AGBL4: variants seen among roughly 807,000 people sequenced by gnomAD.
AGBL4 encodes the protein AGBL carboxypeptidase 4.
AGBL4 carries 58 observed loss-of-function variants against 66.4 expected under a neutral mutation model. That is an observed-to-expected ratio of 0.87 (90% CI 0.71 to 1.09). The LOEUF is 1.09. Among genes scored for constraint, AGBL4 ranks in the 50% least tolerant of loss-of-function variants. The pLI is 0.00. For missense variants in AGBL4, 579 were observed against 631.0 expected (o/e 0.92, Z 0.88); for synonymous variants, 234 against 222.9 (o/e 1.05, Z -0.44).
At chr1:49,001,412 G>A (rs1171348768) in intron 5 of AGBL4, among the ~76,000 whole-genome samples, 1 of 152,140 alleles carries the variant, frequency 6.6e-6, no homozygotes, top group Non-Finnish European at 1.5e-5. Context: ...GGGAACATTC[G>A]AATGCAAGTT....
intron 3 of AGBL4, among the ~76,000 whole-genome samples, chr1:49,366,398 A>C (rs933737395): frequency 6.6e-6 from 1 of 152,186 alleles, no homozygotes; most frequent in Non-Finnish European, 1.5e-5. Flanking sequence ...GATGTCTATA[A>C]GAAGGAGAAA....
At chr1:48,692,968 T>A in intron 6 of AGBL4, among the ~76,000 whole-genome samples, 1 of 152,210 alleles carries the variant, frequency 6.6e-6, no homozygotes, top group Middle Eastern at 3.2e-3. Context: ...AATAACCCTA[T>A]CCAGGAAGAG....
chr1:49,602,120 A>T (rs1644971814), intron 3 of AGBL4, among the ~76,000 whole-genome samples: 1 of 152,218 alleles, frequency 6.6e-6, no homozygotes, highest in South Asian at 2.1e-4. Flanking sequence ...TCATTAGAGA[A>T]ATGCAATTGA....
At chr1:49,814,261 T>C (rs1447627370) in intron 2 of AGBL4, among the ~76,000 whole-genome samples, 2 of 152,148 alleles carry the variant, frequency 1.3e-5, no homozygotes, top group African/African-American at 2.4e-5. Flanking sequence ...TAAGTATCTA[T>C]GTATCATGTA....
At chr1:48,818,518 A>G (rs1337473985) in intron 6 of AGBL4, among the ~76,000 whole-genome samples, 1 of 152,208 alleles carries the variant, frequency 6.6e-6, no homozygotes, top group Non-Finnish European at 1.5e-5. Flanking sequence ...AATCCTAAAC[A>G]CAGAGAAATG....
intron 6 of AGBL4, among the ~76,000 whole-genome samples, chr1:48,770,085 TG>T (rs1375119155): frequency 6.6e-6 from 1 of 152,192 alleles, no homozygotes; most frequent in African/African-American, 2.4e-5. Flanking sequence ...ATTATTTGTC[TG>T]CTCTCTCTGC....
At chr1:48,946,161 A>C (rs1282334279) in intron 5 of AGBL4, among the ~76,000 whole-genome samples, 1 of 152,060 alleles carries the variant, frequency 6.6e-6, no homozygotes, top group Non-Finnish European at 1.5e-5. Flanking sequence ...AAGTTATCTT[A>C]GTTGTTAATG....
chr1:48,891,168 G>T (rs1020072956), intron 5 of AGBL4, among the ~76,000 whole-genome samples: 5 of 152,128 alleles, frequency 3.3e-5, no homozygotes, highest in African/African-American at 4.8e-5. Flanking sequence ...ATGAAGAAAT[G>T]CTCCCTAACA....
rs144413772 is a variant in AGBL4, at chr1:49,569,206, A to C, written c.282+128107T>G. 6.0e-4 allele frequency among the ~76,000 whole-genome samples: 91 copies of C among 152,302 alleles called. 1 individual carries two copies. The East Asian group carries it at 0.014, about 24-fold the overall frequency. On this transcript the variant is annotated intron_variant, in intron 3 of 13. Transcript: ENST00000371839. ...AATTGAACTCATGGAGATAGAGAGT[A>C]GGATGGTTACCAGAGTCTGGGAAGG...
chr1:49,752,315 C>T (rs1651538667), intron 2 of AGBL4, among the ~76,000 whole-genome samples: 1 of 152,084 alleles, frequency 6.6e-6, no homozygotes, highest in Non-Finnish European at 1.5e-5. Flanking sequence ...CTTATTTCTG[C>T]CTTAATTTCG....
intron 6 of AGBL4, among the ~76,000 whole-genome samples, chr1:48,694,981 C>T (rs994398860): frequency 2.0e-5 from 3 of 152,156 alleles, no homozygotes; most frequent in Admixed American, 2.0e-4. Context: ...TTATTCTAAC[C>T]TCTCTCCAGT....
chr1:48,811,101 T>A (rs1180374088), intron 6 of AGBL4, among the ~76,000 whole-genome samples: 1 of 150,992 alleles, frequency 6.6e-6, no homozygotes, highest in East Asian at 1.9e-4. Flanking sequence ...TCTCTCTGGC[T>A]CTGTCGCCAA....
At chr1:48,669,511 T>C (rs934882781) in intron 6 of AGBL4, among the ~76,000 whole-genome samples, 4 of 152,196 alleles carry the variant, frequency 2.6e-5, no homozygotes, top group Admixed American at 6.5e-5. Flanking sequence ...AAGTGTCCCA[T>C]GTCTCCTCAG....
intron 6 of AGBL4, among the ~76,000 whole-genome samples, chr1:48,666,440 A>G (rs1646188981): frequency 6.6e-6 from 1 of 152,172 alleles, no homozygotes; most frequent in Admixed American, 6.5e-5. Context: ...GCACACTCAA[A>G]AAACACTGGG....
chr1:49,147,074 C>T (rs1646232262), intron 4 of AGBL4, among the ~76,000 whole-genome samples: 1 of 152,078 alleles, frequency 6.6e-6, no homozygotes, highest in African/African-American at 2.4e-5. Flanking sequence ...GGAGGTGGAG[C>T]AGGAGATAGG....
intron 3 of AGBL4, among the ~76,000 whole-genome samples, chr1:49,505,894 C>A (rs1648635021): frequency 6.6e-6 from 1 of 151,920 alleles, no homozygotes; most frequent in Non-Finnish European, 1.5e-5. Flanking sequence ...TTCTATAATT[C>A]CCGTAAACTT....
chr1:49,620,066 G>T (rs1179842896), intron 3 of AGBL4, among the ~76,000 whole-genome samples: 3 of 152,102 alleles, frequency 2.0e-5, no homozygotes, highest in South Asian at 4.1e-4. Context: ...CATGGGCAAA[G>T]ACTTCATTAC....
intron 3 of AGBL4, among the ~76,000 whole-genome samples, chr1:49,533,004 A>C (rs1651257420): frequency 6.6e-6 from 1 of 152,194 alleles, no homozygotes; most frequent in Non-Finnish European, 1.5e-5. Flanking sequence ...GGCATTCCAC[A>C]GTACAATTCT....
chr1:48,933,580 A>G (rs955394133), intron 5 of AGBL4, among the ~76,000 whole-genome samples: 2 of 152,188 alleles, frequency 1.3e-5, no homozygotes, highest in African/African-American at 4.8e-5. Context: ...CCCCATTCCT[A>G]CAACTAGCTC....
Sources: gnomAD v4.1 joint callset for allele counts (sites outside exome capture counted in the v4.1 genomes callset) on GRCh38, gnomAD v4.1.1 for gene constraint, MANE v1.5 for transcripts, NCBI Gene and HGNC (gene_info 2026-07-23, HGNC 2026-07-21) for gene names.